The following ZNF44 variants were observed in gnomAD, a reference collection of about 807,000 sequenced individuals.
ZNF44 encodes gonadotropin inducible transcription repressor-2.
A neutral mutation model predicts 11.7 loss-of-function variants in ZNF44; 9 were observed. The ratio of observed to expected loss-of-function variants is 0.77; its 90% CI spans 0.46 to 1.35. ZNF44 has a LOEUF of 1.35. ZNF44 is among the 40% of genes most tolerant of loss of function. The pLI, the probability that ZNF44 is intolerant of heterozygous loss-of-function variation, is 0.00. For synonymous variants in ZNF44, 224 were observed against 242.7 expected (o/e 0.92, Z 0.72); for missense variants, 696 against 743.1 (o/e 0.94, Z 0.74).
At chr19:12,268,145 GACACACAC>G (rs71166661), downstream of ZNF44, among the ~76,000 whole-genome samples, 531 of 136,852 alleles carry the variant, frequency 3.9e-3, 3 homozygotes, top group Middle Eastern at 0.026. Flanking sequence ...CACACACACA[GACACACAC>G]ACACACACAC....
chr19:12,285,068 C>G (rs1283716314), intron 1 of ZNF44: 3 of 674,500 alleles, frequency 4.4e-6, no homozygotes, highest in Non-Finnish European at 7.9e-6. Flanking sequence ...CCCCTGACCT[C>G]TGGAAGGAGA....
Position 12,286,167 on chromosome 19 carries a change from TC to T in ZNF44, c.3+8524del, listed in dbSNP as rs1967739484. ...CTTTTCAGCACAATTTTTGTGTTTT[TC>T]CCCCGTTCATCCTTTCTTGATGTCT... is the stretch of plus-strand genomic sequence containing the variant. On this transcript the variant is annotated intron_variant, in intron 1 of 3. Transcript: ENST00000355684. Among the ~76,000 whole-genome samples, 3 of 152,306 alleles carry T rather than the reference TC, an allele frequency of 2.0e-5. No homozygotes were observed. The South Asian group carries it at 6.2e-4, about 32-fold the overall frequency.
At chr19:12,275,409 G>A (rs943693359) in intron 2 of ZNF44, among the ~76,000 whole-genome samples, 23 of 152,166 alleles carry the variant, frequency 1.5e-4, no homozygotes, top group Non-Finnish European at 1.2e-4. Flanking sequence ...AGCACTTTGG[G>A]AGGCCGAGGT....
downstream of ZNF44, among the ~76,000 whole-genome samples, chr19:12,246,830 A>ATT (rs1306533938): frequency 3.3e-4 from 50 of 150,636 alleles, no homozygotes; most frequent in African/African-American, 7.3e-4. Context: ...GTCCGCGGCC[A>ATT]GCCTGGGCAA....
downstream of ZNF44, among the ~76,000 whole-genome samples, chr19:12,269,348 C>A (rs1966888414): frequency 6.6e-6 from 1 of 152,004 alleles, no homozygotes; most frequent in South Asian, 2.1e-4. Context: ...CACGGTGAAA[C>A]CCTGTCTCTA....
intron 1 of ZNF44, among the ~76,000 whole-genome samples, chr19:12,280,437 A>C (rs566911871): frequency 6.6e-6 from 1 of 152,280 alleles, no homozygotes; most frequent in South Asian, 2.1e-4. Context: ...TGGGGAACTC[A>C]CTAATAGAAT....
chr19:12,283,395 C>T (rs1967569886), intron 1 of ZNF44, among the ~76,000 whole-genome samples: 2 of 152,156 alleles, frequency 1.3e-5, no homozygotes, highest in South Asian at 4.1e-4. Context: ...GTGGCGTGAT[C>T]TTGGCTCACT....
rs1966978024 is a variant in ZNF44, at chr19:12,272,236, C to T, written c.*171G>A. The T allele has an allele frequency of 8.7e-7, 1 of 1,149,412 alleles. No homozygotes were observed. The highest frequency in any genetic ancestry group is 3.1e-5 in the East Asian group (1 of 32,692). 71.2% of individuals were successfully genotyped at this position (1,149,412 alleles called of 1,614,324 possible). A position where few individuals can be genotyped will look rare whatever the true frequency, so the allele number is the denominator to read the frequency against. On this transcript the variant is annotated 3_prime_UTR_variant, in exon 4 of 4. Coordinates refer to ENST00000355684, the MANE Select transcript of ZNF44 (RefSeq NM_016264.4). The stretch of plus-strand genomic sequence containing the variant: ...GCCAGGCTGGTCTCGATCTCCTGGC[C>T]TCGTGATCTGCCCTCCTCGGCCTCT...
intron 7 of ZNF44, chr19:12,248,737 C>T: frequency 1.0e-6 from 1 of 998,458 alleles, no homozygotes; most frequent in Admixed American, 3.7e-5. Flanking sequence ...TCTTTATTAA[C>T]TGATACTAGA....
At chr19:12,251,982 CAG>C (rs1345786706) in intron 5 of ZNF44, among the ~76,000 whole-genome samples, 3 of 149,602 alleles carry the variant, frequency 2.0e-5, no homozygotes, top group South Asian at 4.2e-4. Context: ...ACCTGGGAGA[CAG>C]AGGTTGCCGT....
At chr19:12,240,300 C>T (rs558041272), upstream of ZNF44, among the ~76,000 whole-genome samples, 17 of 151,954 alleles carry the variant, frequency 1.1e-4, 1 homozygote, top group South Asian at 3.3e-3. Flanking sequence ...AAAAAATTAG[C>T]CGGGTGTGGT....
intron 3 of ZNF44, among the ~76,000 whole-genome samples, chr19:12,227,834 TG>T (rs1455499749): frequency 6.6e-6 from 1 of 152,224 alleles, no homozygotes; most frequent in East Asian, 1.9e-4. Flanking sequence ...TATTTGACAA[TG>T]CTTCCTGTAT....
chr19:12,250,068 T>G (rs1383192571), intron 6 of ZNF44: 1 of 1,266,312 alleles, frequency 7.9e-7, no homozygotes, highest in African/African-American at 1.6e-5. Flanking sequence ...AAAATTATCA[T>G]AAATTATTAG....
Position 12,275,959 on chromosome 19 carries a change from T to C in ZNF44, c.127A>G (p.Ile43Val), listed in dbSNP as rs756661419. ...GAAGACATGATGTCATCCATACCTA[T>C]ACAGTTCAGGTTCCTAATGGTTTCT... ...MRETIRNLNC[I>V]GMKWENQNID... Residue 43 changes from isoleucine to valine, a missense_variant, in exon 2 of 4, where the codon ATA becomes GTA. Coordinates refer to ENST00000355684, the MANE Select transcript of ZNF44 (RefSeq NM_016264.4). 6.9e-6 allele frequency: 11 copies of C among 1,601,932 alleles called. No individual in the cohort carries two copies. The South Asian group carries it at 1.1e-4, about 16-fold the overall frequency.
At chr19:12,284,003 AG>A (rs369390993) in intron 1 of ZNF44, among the ~76,000 whole-genome samples, 14 of 152,354 alleles carry the variant, frequency 9.2e-5, no homozygotes, top group African/African-American at 3.4e-4. Context: ...TAAAAAATTT[AG>A]GAAGAGTTCA....
In ZNF44 at chr19:12,272,417, T is replaced by A. The variant is rs751957782; in HGVS notation, c.1838A>T (p.Asp613Val). The part of the protein sequence containing the change: ...FNRHKRTHWK[D>V]IL ...CCACATTCCATACACTTATAGAATA[T>A]CCTTCCAGTGTGTCCTTTTATGTCT... The change falls in exon 4 of 4, where the codon GAT becomes GTT. Residue 613 changes from aspartate to valine, a missense_variant. Physicochemically the swap from Asp to Val is radical, Grantham distance 152 (BLOSUM62 -3). Coordinates refer to ENST00000355684, the MANE Select transcript of ZNF44 (RefSeq NM_016264.4). The A allele has an allele frequency of 2.6e-6, 4 of 1,544,592 alleles. No individual in the cohort carries two copies. Among genetic ancestry groups the A allele is most frequent in the Non-Finnish European group, 3.5e-6 (4 of 1,151,042 alleles).
At chr19:12,279,921 T>TTGTGTGTG (rs60414721) in intron 1 of ZNF44, among the ~76,000 whole-genome samples, 10 of 144,064 alleles carry the variant, frequency 6.9e-5, no homozygotes, top group Non-Finnish European at 1.2e-4. Flanking sequence ...GAAATTCAGA[T>TTGTGTGTG]TGTGTGTGTG....
At chr19:12,294,639 G>T in intron 1 of ZNF44, 53 bp downstream of exon 1, 1 of 1,548,176 alleles carries the variant, frequency 6.5e-7, no homozygotes. Flanking sequence ...GGTTCCGACT[G>T]GTTCCGACCA....
At chr19:12,284,023 G>A (rs750017078) in intron 1 of ZNF44, among the ~76,000 whole-genome samples, 1 of 152,044 alleles carries the variant, frequency 6.6e-6, no homozygotes, top group Non-Finnish European at 1.5e-5. Flanking sequence ...CATCTAAGTA[G>A]AATAAATTTA....
Sources: allele counts gnomAD v4.1 joint callset (sites outside exome capture counted in the v4.1 genomes callset), GRCh38; gene constraint gnomAD v4.1.1; transcripts MANE v1.5; gene names NCBI Gene and HGNC (gene_info 2026-07-23, HGNC 2026-07-21).